Variants in SPAG1 observed in about 807,000 individuals in gnomAD.
The protein encoded by SPAG1 is sperm-associated antigen 1.
SPAG1 carries 69 observed loss-of-function variants against 100.5 expected under a neutral mutation model. The observed-to-expected ratio is 0.69, with a 90% CI of 0.57 to 0.84. The LOEUF is 0.84. Among genes scored for constraint, SPAG1 ranks in the 40% least tolerant of loss-of-function variants. The pLI, the probability that SPAG1 is intolerant of heterozygous loss-of-function variation, is 0.00. For missense variants in SPAG1, 955 were observed against 1,133.1 expected, an observed-to-expected ratio of 0.84 and a Z score of 2.26; for synonymous variants, 336 against 411.6, an observed-to-expected ratio of 0.82 and a Z score of 2.22.
chr8:100,160,655 T>C (rs1165399909), intron 1 of SPAG1, among the ~76,000 whole-genome samples: 1 of 149,780 alleles, frequency 6.7e-6, no homozygotes, highest in Non-Finnish European at 1.5e-5. Flanking sequence ...GAGAGGTATG[T>C]ACAGAGTGCC....
chr8:100,191,356 A>T (rs745712295), intron 8 of SPAG1, 34 bp from the exon 9 acceptor site: 3 of 1,461,340 alleles, frequency 2.1e-6, no homozygotes, highest in East Asian at 4.5e-5. Flanking sequence ...GCCACATATT[A>T]AAAAACATAA....
At chr8:100,229,344 C>T (rs1464938704) in intron 14 of SPAG1, among the ~76,000 whole-genome samples, 5 of 152,126 alleles carry the variant, frequency 3.3e-5, no homozygotes, top group Admixed American at 2.6e-4. Flanking sequence ...GGCGTGAACC[C>T]GGCAGGTGGA....
At position 100,196,175 on chromosome 8, in the gene SPAG1, A is replaced by G. The variant is rs759688536; in HGVS notation, c.1096+1907A>G. Among the ~76,000 whole-genome samples, 19 of 152,328 alleles carry G rather than the reference A, an allele frequency of 1.2e-4. No individual in the cohort carries two copies. In the South Asian group the frequency reaches 1.4e-3, roughly 12 times the overall value. ...TCACTAATCATGAGTAAAAACTGCTATACACACTCATTTGCAGGTTTTTGT... is the reference window on the plus strand; with the variant it reads ...TCACTAATCATGAGTAAAAACTGCTGTACACACTCATTTGCAGGTTTTTGT... On this transcript the variant is annotated intron_variant, in intron 10 of 18. Coordinates refer to ENST00000388798, the MANE Select transcript of SPAG1 (RefSeq NM_003114.5).
At chr8:100,209,341 A>G (rs1213626189) in intron 10 of SPAG1, among the ~76,000 whole-genome samples, 1 of 148,056 alleles carries the variant, frequency 6.8e-6, no homozygotes, top group Admixed American at 6.8e-5. Flanking sequence ...ATATAATCCT[A>G]CTAATATATA....
intron 3 of SPAG1, among the ~76,000 whole-genome samples, chr8:100,170,732 T>C (rs1308443962): frequency 6.6e-6 from 1 of 152,174 alleles, no homozygotes; most frequent in South Asian, 2.1e-4. Context: ...TGTAGATTCA[T>C]TGGATTTTCT....
At chr8:100,170,242 T>C (rs535037949) in intron 3 of SPAG1, among the ~76,000 whole-genome samples, 2 of 152,228 alleles carry the variant, frequency 1.3e-5, no homozygotes, top group African/African-American at 4.8e-5. Flanking sequence ...TTTCAGTATG[T>C]AGTTCTTGCA....
At position 100,240,993 on chromosome 8, in the gene SPAG1, C is replaced by T. The variant is rs780337450; in HGVS notation, c.2752C>T (p.Gln918Ter). 5.0e-6 allele frequency: 8 copies of T among 1,610,914 alleles called. No individual in the cohort carries two copies. The South Asian group carries it at 8.8e-5, about 18-fold the overall frequency. The change falls in exon 19 of 19, where the codon CAG (glutamine) becomes TAG (stop). Residue 918 changes from glutamine (Q) to a stop codon, truncating the protein, a stop_gained. Transcript: ENST00000388798. LOFTEE classifies it high-confidence loss of function. The part of the protein sequence containing the change: ...PNNHFTLEDI[Q>*]ALKRQYEL ...CAACCATTTTACTTTAGAAGATATA[C>T]AGGCCCTAAAAAGGCAGTATGAGCT...
In SPAG1 at chr8:100,187,142, G is replaced by A; in HGVS notation, c.724G>A (p.Val242Ile). 6.2e-7 allele frequency: 1 copy of A among 1,612,258 alleles called. No homozygotes were observed. The highest frequency in any genetic ancestry group is 2.2e-5 in the East Asian group (1 of 44,772). The change falls in exon 8 of 19, where the codon GTA becomes ATA. Residue 242 changes from valine (V) to isoleucine (I), a missense_variant. Val to Ile is a conservative substitution (Grantham distance 29). Transcript: ENST00000388798. ...YTRSISALPT[V>I]VAYNNRAQAE... ...TAGGAGCATATCAGCGCTTCCCACT[G>A]TAGTTGCCTATAACAATCGAGCTCA...
At chr8:100,215,944 T>C (rs1281736913) in intron 12 of SPAG1, among the ~76,000 whole-genome samples, 3 of 152,246 alleles carry the variant, frequency 2.0e-5, no homozygotes, top group South Asian at 4.1e-4. Flanking sequence ...ATAATACTTA[T>C]ATTCTCTTTG....
chr8:100,215,160 T>TC (rs1027734421), intron 12 of SPAG1, among the ~76,000 whole-genome samples: 2 of 151,054 alleles, frequency 1.3e-5, no homozygotes, highest in African/African-American at 4.9e-5. Context: ...TCTCTGCCTG[T>TC]CCCCCTCTTC....
intron 13 of SPAG1, among the ~76,000 whole-genome samples, chr8:100,223,363 G>C (rs145543938): frequency 8.5e-5 from 13 of 152,088 alleles, no homozygotes; most frequent in African/African-American, 2.4e-4. Context: ...ACTCAGGAAG[G>C]TTCATTTAAA....
intron 1 of SPAG1, among the ~76,000 whole-genome samples, chr8:100,161,870 A>T (rs1453119184): frequency 6.6e-6 from 1 of 152,250 alleles, no homozygotes; most frequent in Non-Finnish European, 1.5e-5. Flanking sequence ...CTTAGAAGGT[A>T]TATAAGCTCT....
chr8:100,169,142 A>G lies in SPAG1; in HGVS notation c.300+3169A>G, dbSNP rs115773706. Among the ~76,000 whole-genome samples, 983 of 152,194 alleles carry G rather than the reference A, an allele frequency of 6.5e-3. 11 individuals carry two copies. Among genetic ancestry groups the G allele is most frequent in the African/African-American group, 0.022 (932 of 41,524 alleles). ...TTCTCCTAGGAAGTTTATAGTTTTA[A>G]TTCTTATATCTAGGTCTATAATCAG... On this transcript the variant is annotated intron_variant, in intron 3 of 18. Transcript: ENST00000388798.
intron 10 of SPAG1, among the ~76,000 whole-genome samples, chr8:100,195,203 C>T (rs1816984805): frequency 6.6e-6 from 1 of 151,640 alleles, no homozygotes; most frequent in Non-Finnish European, 1.5e-5. Context: ...GTTTTTCCCT[C>T]CTTCTTGAGA....
intron 3 of SPAG1, among the ~76,000 whole-genome samples, chr8:100,175,228 G>T (rs966435014): frequency 2.0e-5 from 3 of 150,560 alleles, no homozygotes; most frequent in Admixed American, 6.6e-5. Context: ...TTCTATCAGG[G>T]TTCTCTTCTG....
At chr8:100,214,223 C>G (rs1817870165) in intron 12 of SPAG1, among the ~76,000 whole-genome samples, 1 of 152,174 alleles carries the variant, frequency 6.6e-6, no homozygotes. Flanking sequence ...GAATAACTTT[C>G]CTGAAACATT....
intron 10 of SPAG1, 92 bp downstream of exon 10, chr8:100,194,360 T>C (rs1816941120): frequency 6.5e-7 from 1 of 1,529,982 alleles, no homozygotes; most frequent in Admixed American, 2.0e-5. Flanking sequence ...AAATTCGTAA[T>C]CTATCAGTTT....
Position 100,225,282 on chromosome 8 carries a change from G to A in SPAG1, c.1798G>A (p.Glu600Lys). The A allele has an allele frequency of 6.2e-7, 1 of 1,613,994 alleles. No homozygotes were observed. The highest frequency in any genetic ancestry group is 1.1e-5 in the South Asian group (1 of 91,078). The part of the protein sequence containing the change: ...VPLQAWHPAK[E>K]MISKQAGDSS... Reference sequence around the variant, plus strand: ...ACTGCAAGCTTGGCATCCGGCAAAAGAGATGATCTCAAAACAAGCAGGAGA... The same window carrying A: ...ACTGCAAGCTTGGCATCCGGCAAAAAAGATGATCTCAAAACAAGCAGGAGA... The change falls in exon 14 of 19, where the codon GAG becomes AAG. Residue 600 changes from glutamate (E) to lysine (K), a missense_variant. Glu to Lys is a moderately conservative substitution (Grantham distance 56, BLOSUM62 1). Transcript: ENST00000388798.
chr8:100,186,990 C>T (rs554526860), intron 7 of SPAG1, 130 bp from the exon 8 acceptor site: 9 of 726,100 alleles, frequency 1.2e-5, no homozygotes, highest in Admixed American at 3.2e-5. Context: ...CTTCAACATA[C>T]GAATGTTGGG....
Sources: allele counts gnomAD v4.1 joint callset (sites outside exome capture counted in the v4.1 genomes callset), GRCh38; gene constraint gnomAD v4.1.1; transcripts MANE v1.5; gene names NCBI Gene and HGNC (gene_info 2026-07-23, HGNC 2026-07-21).